The following CDK12 variants were observed in gnomAD, a reference collection of about 807,000 sequenced individuals.
The protein encoded by CDK12 is cyclin dependent kinase 12.
Under a neutral mutation model 133.8 loss-of-function variants are expected in CDK12, and 17 were observed. The ratio of observed to expected loss-of-function variants is 0.13; its 90% CI spans 0.09 to 0.19. CDK12 has a LOEUF of 0.19. CDK12 is among the 10% of genes least tolerant of loss of function. CDK12 has a pLI of 1.00. For synonymous variants in CDK12, 694 were observed against 683.6 expected (o/e 1.02, Z -0.24); for missense variants, 1,508 against 1,818.7 (o/e 0.83, Z 3.11).
chr17:39,518,473 C>G (rs565051052), intron 10 of CDK12, among the ~76,000 whole-genome samples: 2 of 151,910 alleles, frequency 1.3e-5, no homozygotes, highest in Non-Finnish European at 2.9e-5. Context: ...GAAGATCACT[C>G]GTGCTACCAC....
chr17:39,554,475 G>T (rs1242061027), intron 2 of CDK12, among the ~76,000 whole-genome samples: 1 of 152,068 alleles, frequency 6.6e-6, no homozygotes, highest in African/African-American at 2.4e-5. Flanking sequence ...GGGATAATAG[G>T]GTAACGGGGT....
At chr17:39,469,866 A>G (rs932003490) in intron 1 of CDK12, among the ~76,000 whole-genome samples, 11 of 151,704 alleles carry the variant, frequency 7.3e-5, no homozygotes, top group South Asian at 2.1e-4. Context: ...CGAACTCCCA[A>G]TGTCAGGCGA....
rs755273295 is a variant in CDK12, at chr17:39,509,798, GTTTGT to G, written c.2666+51_2666+55del. 3.3e-6 allele frequency: 5 copies of G among 1,502,314 alleles called. No homozygotes were observed. In the East Asian group the frequency reaches 6.8e-5, roughly 20 times the overall value. The allele number at this position is 1,502,314 out of a possible 1,614,324, so 93.1% of individuals were successfully genotyped here. On this transcript the variant is annotated intron_variant, in intron 7 of 13. Coordinates refer to ENST00000447079, the MANE Select transcript of CDK12 (RefSeq NM_016507.4). ...ATTAAAATTACATGTGGGAAATAAG[GTTTGT>G]TTTGTTTTGTTTTTTTGAGGCAGGA...
intron 1 of CDK12, among the ~76,000 whole-genome samples, chr17:39,541,362 CTTTTTTTTTTTTTTTTTTT>C (rs201866427): frequency 7.3e-6 from 1 of 137,186 alleles, no homozygotes; most frequent in Non-Finnish European, 1.5e-5. Context: ...GAGTTTGGCT[CTTTTTTTTTTTTTTTTTTT>C]TTTTGAGACA....
At chr17:39,491,701 A>ATTTT (rs766596742) in intron 3 of CDK12, among the ~76,000 whole-genome samples, 5 of 117,936 alleles carry the variant, frequency 4.2e-5, no homozygotes, top group Non-Finnish European at 7.2e-5. Context: ...CTGTTTATGT[A>ATTTT]TTTTTTTTTT....
intron 11 of CDK12, among the ~76,000 whole-genome samples, chr17:39,522,564 A>G (rs2054246373): frequency 6.6e-6 from 1 of 152,028 alleles, no homozygotes; most frequent in Admixed American, 6.5e-5. Context: ...CCTCCTGAGT[A>G]GCTGGATTAC....
At chr17:39,497,165 C>A (rs1468537745) in intron 5 of CDK12, among the ~76,000 whole-genome samples, 1 of 152,110 alleles carries the variant, frequency 6.6e-6, no homozygotes, top group African/African-American at 2.4e-5. Flanking sequence ...CTTCTGTCCC[C>A]AGCTGATCCG....
chr17:39,518,401 A>AGATT (rs2053946882), intron 10 of CDK12, among the ~76,000 whole-genome samples: 1 of 151,562 alleles, frequency 6.6e-6, no homozygotes, highest in Non-Finnish European at 1.5e-5. Flanking sequence ...TCCTGGGCTC[A>AGATT]AGTGCTCTTC....
chr17:39,473,443 CA>C (rs1200735443), intron 2 of CDK12, among the ~76,000 whole-genome samples: 20 of 151,928 alleles, frequency 1.3e-4, no homozygotes, highest in African/African-American at 4.6e-4. Context: ...AAGGCATTAA[CA>C]AAAATACTTC....
In CDK12 at chr17:39,494,606, C is replaced by T. The variant is rs1318486382; in HGVS notation, c.2331C>T (p.Ile777=). 6.2e-7 allele frequency: 1 copy of T among 1,613,004 alleles called. No homozygotes were observed. The highest frequency in any genetic ancestry group is 1.1e-5 in the South Asian group (1 of 90,936). The change falls in exon 5 of 14, where the codon ATC becomes ATT. Residue 777 remains isoleucine, a synonymous_variant. Transcript: ENST00000447079. ...TCACAGCCATTCGTGAAATCAAAATCCTTCGTCAGTTAATCCACCGAAGTG... is the reference window on the plus strand; with the variant it reads ...TCACAGCCATTCGTGAAATCAAAATTCTTCGTCAGTTAATCCACCGAAGTG... ...FPITAIREIK[I]LRQLIHRSVV...
At chr17:39,537,170 ACT>A (rs2055171173), downstream of CDK12, among the ~76,000 whole-genome samples, 1 of 151,884 alleles carries the variant, frequency 6.6e-6, no homozygotes, top group Non-Finnish European at 1.5e-5. Flanking sequence ...TATCTGATGG[ACT>A]CTCTAGGAGG....
At chr17:39,513,018 A>G (rs935004516) in intron 8 of CDK12, among the ~76,000 whole-genome samples, 1 of 152,194 alleles carries the variant, frequency 6.6e-6, no homozygotes, top group African/African-American at 2.4e-5. Flanking sequence ...TTGGCACACC[A>G]TAGTAGTGTT....
At chr17:39,482,937 G>A (rs2050836377) in intron 2 of CDK12, among the ~76,000 whole-genome samples, 1 of 145,464 alleles carries the variant, frequency 6.9e-6, no homozygotes, top group African/African-American at 2.5e-5. Flanking sequence ...TTTTGAAACG[G>A]AGTCTCACTC....
intron 3 of CDK12, among the ~76,000 whole-genome samples, chr17:39,564,547 A>G (rs1297126659): frequency 6.6e-6 from 1 of 152,096 alleles, no homozygotes; most frequent in African/African-American, 2.4e-5. Flanking sequence ...TTTGACCCCC[A>G]CCTTTCCTAC....
In CDK12 at chr17:39,505,262, C is replaced by T. The variant is rs1382547649; in HGVS notation, c.2609+3823C>T. Among the ~76,000 whole-genome samples the T allele has an allele frequency of 2.8e-5, 4 of 144,282 alleles. No homozygotes were observed. The Admixed American group carries it at 2.8e-4, about 10-fold the overall frequency. 94.7% of individuals were successfully genotyped at this position (144,282 alleles called of 152,430 possible). A position where few individuals can be genotyped will look rare whatever the true frequency, so the allele number is the denominator to read the frequency against. Reference sequence around the variant, plus strand: ...AAAAAAAAGGCCAGGCGCGGTGGCTCACACCTGTAATCCCAGCACTTTGGG... The same window carrying T: ...AAAAAAAAGGCCAGGCGCGGTGGCTTACACCTGTAATCCCAGCACTTTGGG... On this transcript the variant is annotated intron_variant, in intron 6 of 13. Transcript: ENST00000447079.
chr17:39,476,722 T>TTTTTTTTTTTTTA (rs1567696883), intron 2 of CDK12, among the ~76,000 whole-genome samples: 43 of 111,482 alleles, frequency 3.9e-4, no homozygotes, highest in Non-Finnish European at 6.8e-4. Flanking sequence ...TTTTTTTTTT[T>TTTTTTTTTTTTTA]TTTTTTTTTT....
Position 39,517,407 on chromosome 17 carries a change from ACTCCATTGTTCTTG to A in CDK12, c.2847-30_2847-17del, listed in dbSNP as rs1368370809. 2 of 1,196,066 alleles carry A rather than the reference ACTCCATTGTTCTTG, an allele frequency of 1.7e-6. No homozygotes were observed. The highest frequency in any genetic ancestry group is 3.0e-5 in the African/African-American group (2 of 66,086). 74.1% of individuals were successfully genotyped at this position (1,196,066 alleles called of 1,614,324 possible). ...CGGAATTCATGATGTTGACTCACTC[ACTCCATTGTTCTTG>A]CTTTTGCTTTGTTTTCAGCCGACTT... On this transcript the variant is annotated intron_variant, in intron 9 of 13. Transcript: ENST00000447079.
chr17:39,553,833 A>G (rs528656323), intron 2 of CDK12, among the ~76,000 whole-genome samples: 1 of 152,226 alleles, frequency 6.6e-6, no homozygotes, highest in South Asian at 2.1e-4. Flanking sequence ...ACAGAGGGGA[A>G]GGGATCCAGG....
At position 39,510,069 on chromosome 17, in the gene CDK12, C is replaced by G. The variant is rs75471701; in HGVS notation, c.2666+308C>G. ...TACCTGCCTCAGCCTCCCAAAGTGC[C>G]GGGATTACAGACATGAGCCACCGCA... On this transcript the variant is annotated intron_variant, in intron 7 of 13. Coordinates refer to ENST00000447079, the MANE Select transcript of CDK12 (RefSeq NM_016507.4). 4.3e-3 allele frequency among the ~76,000 whole-genome samples: 648 copies of G among 150,070 alleles called. 17 individuals are homozygous for G. Among genetic ancestry groups the G allele is most frequent in the Admixed American group, 0.034 (514 of 15,058 alleles).
Sources: gnomAD v4.1 joint callset for allele counts (sites outside exome capture counted in the v4.1 genomes callset) on GRCh38, gnomAD v4.1.1 for gene constraint, MANE v1.5 for transcripts, NCBI Gene and HGNC (gene_info 2026-07-23, HGNC 2026-07-21) for gene names.